Variants in TANC2 observed in about 807,000 individuals in gnomAD.
The protein encoded by TANC2 is protein TANC2.
A neutral mutation model predicts 210.5 loss-of-function variants in TANC2; 26 were observed. That is an observed-to-expected ratio of 0.12 (90% confidence interval 0.09 to 0.17). The LOEUF (loss-of-function observed/expected upper bound fraction) is 0.17, where lower values mean the gene tolerates loss of function less well. Ranked by LOEUF, TANC2 falls within the 10% of genes least tolerant of loss-of-function variation. The probability of loss-of-function intolerance (pLI) is 1.00; values close to 1 mark genes in which losing one functional copy is unlikely to be tolerated. For missense variants in TANC2, 2,129 were observed against 2,608.9 expected (o/e 0.82, Z 4.01); for synonymous variants, 931 against 967.1 (o/e 0.96, Z 0.69).
intron 9 of TANC2, among the ~76,000 whole-genome samples, chr17:63,295,186 A>G (rs2044497534): frequency 9.0e-6 from 1 of 110,498 alleles, no homozygotes; most frequent in Admixed American, 8.8e-5. Flanking sequence ...TCTGGGCTGT[A>G]CAGACACCAT....
At chr17:63,159,777 T>C (rs567371234) in intron 5 of TANC2, among the ~76,000 whole-genome samples, 2 of 152,242 alleles carry the variant, frequency 1.3e-5, no homozygotes, top group South Asian at 4.1e-4. Context: ...TCCACAGATT[T>C]TGGTATGGGA....
At chr17:63,126,534 A>T (rs1016407700) in intron 4 of TANC2, among the ~76,000 whole-genome samples, 2 of 151,978 alleles carry the variant, frequency 1.3e-5, no homozygotes, top group Non-Finnish European at 2.9e-5. Flanking sequence ...TCAGCCTCCC[A>T]AGTAGCTGGG....
At chr17:63,038,528 C>A (rs1280455376) in intron 2 of TANC2, among the ~76,000 whole-genome samples, 1 of 152,016 alleles carries the variant, frequency 6.6e-6, no homozygotes, top group East Asian at 1.9e-4. Context: ...GTAATTCCGT[C>A]CTCATAAAAT....
intron 14 of TANC2, among the ~76,000 whole-genome samples, chr17:63,378,837 G>A (rs2047511021): frequency 6.6e-6 from 1 of 152,170 alleles, no homozygotes; most frequent in East Asian, 1.9e-4. Flanking sequence ...TAGGGGCTTG[G>A]TAGAGGCTGA....
intron 5 of TANC2, among the ~76,000 whole-genome samples, chr17:63,173,959 T>A (rs1400362816): frequency 1.1e-4 from 16 of 152,186 alleles, no homozygotes; most frequent in Admixed American, 1.0e-3. Context: ...CTACTATAAT[T>A]CCACTCTACA....
At chr17:63,247,275 G>A (rs536791550) in intron 8 of TANC2, among the ~76,000 whole-genome samples, 32 of 152,018 alleles carry the variant, frequency 2.1e-4, no homozygotes, top group African/African-American at 7.2e-4. Flanking sequence ...AAATTTTGGT[G>A]AGGTCAATTT....
chr17:63,254,357 ATTAG>A (rs770638216), intron 8 of TANC2, among the ~76,000 whole-genome samples: 9 of 152,048 alleles, frequency 5.9e-5, no homozygotes, highest in East Asian at 1.9e-4. Flanking sequence ...GAATTTGTTT[ATTAG>A]TTCTGTTTTT....
chr17:63,153,615 T>C (rs2039733720), intron 5 of TANC2: 1 of 152,154 alleles, frequency 6.6e-6, no homozygotes, highest in South Asian at 2.1e-4. Flanking sequence ...TGTTTGAGAT[T>C]CTATGCTTTG....
chr17:63,230,820 T>G (rs2042455097), intron 7 of TANC2, among the ~76,000 whole-genome samples: 1 of 152,184 alleles, frequency 6.6e-6, no homozygotes, highest in African/African-American at 2.4e-5. Flanking sequence ...CTTGAATATC[T>G]GTTAATTTTC....
At chr17:63,307,149 A>G (rs1345880594) in intron 9 of TANC2, among the ~76,000 whole-genome samples, 1 of 152,062 alleles carries the variant, frequency 6.6e-6, no homozygotes, top group East Asian at 1.9e-4. Flanking sequence ...GCACTATGGG[A>G]GGGAGTTTTG....
At chr17:63,324,406 AAAG>A (rs1265680736) in intron 11 of TANC2, among the ~76,000 whole-genome samples, 2 of 152,212 alleles carry the variant, frequency 1.3e-5, no homozygotes, top group Non-Finnish European at 2.9e-5. Context: ...GCTGTCAGCC[AAAG>A]AAGTAGTCAT....
intron 9 of TANC2, among the ~76,000 whole-genome samples, chr17:63,270,639 A>G (rs1268522555): frequency 6.6e-6 from 1 of 152,172 alleles, no homozygotes; most frequent in Non-Finnish European, 1.5e-5. Flanking sequence ...CATACATTTT[A>G]AAGGAGTACT....
intron 10 of TANC2, among the ~76,000 whole-genome samples, chr17:63,318,232 A>G (rs1410419133): frequency 1.3e-5 from 2 of 152,232 alleles, no homozygotes; most frequent in Admixed American, 1.3e-4. Context: ...TTAAAGTATG[A>G]TCTTATTCAT....
intron 14 of TANC2, among the ~76,000 whole-genome samples, chr17:63,362,546 G>T (rs1326100572): frequency 6.6e-6 from 1 of 152,100 alleles, no homozygotes; most frequent in African/African-American, 2.4e-5. Flanking sequence ...AGAGGCACCT[G>T]CAGGCCTGCA....
intron 11 of TANC2, among the ~76,000 whole-genome samples, chr17:63,325,012 C>G (rs2045601210): frequency 7.2e-6 from 1 of 139,300 alleles, no homozygotes; most frequent in Non-Finnish European, 1.5e-5. Flanking sequence ...ATGAAAGGAC[C>G]TCTGCTTTTC....
At chr17:63,050,941 T>C (rs1363329429) in intron 2 of TANC2, among the ~76,000 whole-genome samples, 1 of 152,230 alleles carries the variant, frequency 6.6e-6, no homozygotes, top group African/African-American at 2.4e-5. Flanking sequence ...ACCCTTTTCT[T>C]CATAGTCTCA....
At chr17:63,138,450 A>T (rs1598457704) in intron 4 of TANC2, among the ~76,000 whole-genome samples, 1 of 152,310 alleles carries the variant, frequency 6.6e-6, no homozygotes, top group African/African-American at 2.4e-5. Flanking sequence ...TTTCTCAAAC[A>T]GTTCATTAAG....
chr17:63,106,770 T>C (rs1185766195), intron 4 of TANC2, among the ~76,000 whole-genome samples: 1 of 151,802 alleles, frequency 6.6e-6, no homozygotes, highest in Non-Finnish European at 1.5e-5. Context: ...CTTCTCTTTT[T>C]ATATTTAACC....
intron 7 of TANC2, among the ~76,000 whole-genome samples, chr17:63,217,410 C>T (rs1407631290): frequency 6.6e-6 from 1 of 152,158 alleles, no homozygotes; most frequent in Non-Finnish European, 1.5e-5. Flanking sequence ...AGGAATGTCA[C>T]AAACAATTTT....
Sources: gnomAD v4.1 joint callset for allele counts (sites outside exome capture counted in the v4.1 genomes callset) on GRCh38, gnomAD v4.1.1 for gene constraint, MANE v1.5 for transcripts, NCBI Gene and HGNC (gene_info 2026-07-23, HGNC 2026-07-21) for gene names.